The following CRYL1 variants were observed in gnomAD, a reference collection of about 807,000 sequenced individuals.
The protein encoded by CRYL1 is crystallin lambda 1, also known as lambda-crystallin homolog.
A neutral mutation model predicts 36.6 loss-of-function variants in CRYL1; 29 were observed. The observed-to-expected ratio is 0.79, with a 90% confidence interval of 0.59 to 1.08. CRYL1 has a LOEUF of 1.08. Among genes scored for constraint, CRYL1 ranks in the 50% least tolerant of loss-of-function variants. The probability of loss-of-function intolerance (pLI) is 0.00; values close to 1 mark genes in which losing one functional copy is unlikely to be tolerated. For missense variants in CRYL1, 411 were observed against 407.9 expected (o/e 1.01, Z -0.06); for synonymous variants, 152 against 151.5 (o/e 1.00, Z -0.02).
intron 2 of CRYL1, among the ~76,000 whole-genome samples, chr13:20,506,691 G>A (rs758327308): frequency 1.1e-4 from 16 of 152,168 alleles, no homozygotes; most frequent in African/African-American, 9.7e-5. Context: ...ATTAGGAACC[G>A]TGGGATTTTC....
intron 2 of CRYL1, among the ~76,000 whole-genome samples, chr13:20,493,209 C>T (rs1565982314): frequency 6.6e-6 from 1 of 152,242 alleles, no homozygotes; most frequent in East Asian, 1.9e-4. Context: ...TGAAATTCTC[C>T]ATTACCTTCT....
chr13:20,456,016 G>C (rs56839950), intron 3 of CRYL1, among the ~76,000 whole-genome samples: 4,293 of 152,182 alleles, frequency 0.028, 189 homozygotes, highest in African/African-American at 0.096. Context: ...AAATGGTGCT[G>C]GACAACTGGG....
intron 2 of CRYL1, among the ~76,000 whole-genome samples, chr13:20,511,265 T>C (rs1238039883): frequency 1.3e-5 from 2 of 152,048 alleles, no homozygotes; most frequent in Non-Finnish European, 2.9e-5. Context: ...TTTTTTTCTT[T>C]TTTTTCTGTA....
intron 5 of CRYL1, chr13:20,430,258 T>C (rs1227742818): frequency 1.0e-6 from 1 of 985,198 alleles, no homozygotes; most frequent in East Asian, 1.1e-4. Context: ...TTTCTTAATT[T>C]CCCATTTCTC....
intron 1 of CRYL1, among the ~76,000 whole-genome samples, chr13:20,517,503 G>A (rs983480919): frequency 6.6e-6 from 1 of 152,118 alleles, no homozygotes; most frequent in Non-Finnish European, 1.5e-5. Flanking sequence ...GCTGAGGCAG[G>A]AGAATCGCTT....
At chr13:20,432,895 G>A (rs2032105263) in intron 4 of CRYL1, among the ~76,000 whole-genome samples, 1 of 152,162 alleles carries the variant, frequency 6.6e-6, no homozygotes, top group African/African-American at 2.4e-5. Flanking sequence ...TTGTGTACCT[G>A]TAGTCCCAGC....
intron 3 of CRYL1, among the ~76,000 whole-genome samples, chr13:20,476,556 G>C (rs569076312): frequency 6.6e-6 from 1 of 152,266 alleles, no homozygotes; most frequent in Non-Finnish European, 1.5e-5. Context: ...ACACAGCAAG[G>C]CAGCTCTGCG....
chr13:20,503,106 ATATATAAT>A (rs1223430320), intron 2 of CRYL1, among the ~76,000 whole-genome samples: 8 of 152,232 alleles, frequency 5.3e-5, no homozygotes, highest in African/African-American at 1.4e-4. Context: ...AATACTATGG[ATATATAAT>A]TAGCATATAT....
At chr13:20,523,776 A>C (rs1276925075) in intron 1 of CRYL1, among the ~76,000 whole-genome samples, 1 of 152,134 alleles carries the variant, frequency 6.6e-6, no homozygotes. Flanking sequence ...CCAGAGAATT[A>C]TGTGGTCCTT....
At chr13:20,463,508 T>C (rs988648295) in intron 3 of CRYL1, among the ~76,000 whole-genome samples, 12 of 152,192 alleles carry the variant, frequency 7.9e-5, no homozygotes, top group African/African-American at 2.7e-4. Flanking sequence ...TTTACCCTCA[T>C]CCTCCAATAG....
intron 2 of CRYL1, among the ~76,000 whole-genome samples, chr13:20,508,628 C>T (rs945969783): frequency 1.3e-5 from 2 of 151,484 alleles, no homozygotes; most frequent in East Asian, 3.9e-4. Context: ...GGGTGGATCA[C>T]GAGGTCAGGA....
Position 20,404,169 on chromosome 13 carries a change from A to T in CRYL1, c.920T>A (p.Met307Lys), listed in dbSNP as rs1307947719. The change falls in exon 8 of 8, where the codon ATG becomes AAG. Residue 307 changes from methionine to lysine, a missense_variant. Coordinates refer to ENST00000298248, the MANE Select transcript of CRYL1 (RefSeq NM_015974.3). Reference sequence around the variant, plus strand: ...TTGACTCTTCAACTTGGCGAGTCTCATGAGGCACTCGTCCCTCCACTGCCT... The same window carrying T: ...TTGACTCTTCAACTTGGCGAGTCTCTTGAGGCACTCGTCCCTCCACTGCCT... ...ARRQWRDECL[M>K]RLAKLKSQVQ... 14 of 1,612,648 alleles carry T rather than the reference A, an allele frequency of 8.7e-6. No individual in the cohort carries two copies. Among genetic ancestry groups the T allele is most frequent in the Middle Eastern group, 1.7e-4 (1 of 6,052 alleles).
intron 5 of CRYL1, among the ~76,000 whole-genome samples, chr13:20,418,005 T>C (rs1000917649): frequency 6.6e-6 from 1 of 152,138 alleles, no homozygotes; most frequent in African/African-American, 2.4e-5. Context: ...CAGAAAGCCA[T>C]GGACAGGCCA....
chr13:20,461,349 T>C (rs1388921611), intron 3 of CRYL1, among the ~76,000 whole-genome samples: 4 of 152,260 alleles, frequency 2.6e-5, no homozygotes, highest in African/African-American at 9.6e-5. Context: ...TCTCACTTTG[T>C]GAGGTCCTCC....
chr13:20,511,697 G>A (rs578208769), intron 2 of CRYL1, among the ~76,000 whole-genome samples: 5 of 152,324 alleles, frequency 3.3e-5, no homozygotes, highest in Admixed American at 2.0e-4. Flanking sequence ...TCAGAACCCT[G>A]TTCCGTGACG....
At chr13:20,410,931 C>A (rs1022234130) in intron 6 of CRYL1, among the ~76,000 whole-genome samples, 1 of 152,206 alleles carries the variant, frequency 6.6e-6, no homozygotes, top group South Asian at 2.1e-4. Flanking sequence ...TCTGAGGGCC[C>A]GTCTTTCAGG....
At chr13:20,450,085 A>G (rs928808771) in intron 3 of CRYL1, among the ~76,000 whole-genome samples, 9 of 152,216 alleles carry the variant, frequency 5.9e-5, no homozygotes, top group African/African-American at 2.2e-4. Flanking sequence ...AGAACTTGAA[A>G]AAACTATTCT....
intron 6 of CRYL1, among the ~76,000 whole-genome samples, chr13:20,405,146 C>T (rs1040844996): frequency 6.6e-6 from 1 of 152,128 alleles, no homozygotes; most frequent in Non-Finnish European, 1.5e-5. Context: ...TGGCAGGTGC[C>T]TGTAATCTCA....
chr13:20,450,673 A>C (rs372794674), intron 3 of CRYL1, among the ~76,000 whole-genome samples: 12 of 152,170 alleles, frequency 7.9e-5, no homozygotes, highest in African/African-American at 2.2e-4. Flanking sequence ...AGGATCTAGA[A>C]CTAGAAATAC....
Sources: gnomAD v4.1 joint callset for allele counts (sites outside exome capture counted in the v4.1 genomes callset) on GRCh38, gnomAD v4.1.1 for gene constraint, MANE v1.5 for transcripts, NCBI Gene and HGNC (gene_info 2026-07-23, HGNC 2026-07-21) for gene names.